Variants in TEX14 observed in about 807,000 individuals in gnomAD.
The protein encoded by TEX14 is testis expressed 14, intercellular bridge forming factor.
Under a neutral mutation model 178.6 loss-of-function variants are expected in TEX14, and 168 were observed. The observed-to-expected ratio is 0.94, with a 90% CI of 0.83 to 1.07. TEX14 has a LOEUF of 1.07. TEX14 is among the 50% of genes least tolerant of loss of function. The pLI is 0.00. For missense variants in TEX14, 1,730 were observed against 1,753.6 expected (o/e 0.99, Z 0.24); for synonymous variants, 626 against 634.1 (o/e 0.99, Z 0.19).
Position 58,561,547 on chromosome 17 carries a change from A to T in TEX14, c.4130T>A (p.Leu1377Gln). ...WLQPPEESVE[L>Q]QDLPKGSERE... ...TTCAGAGCCCTTGGGAAGGTCTTGTAGCTCCACGCTCTCCTCAGGTGGCTG... is the reference window on the plus strand; with the variant it reads ...TTCAGAGCCCTTGGGAAGGTCTTGTTGCTCCACGCTCTCCTCAGGTGGCTG... Residue 1377 changes from leucine to glutamine, a missense_variant, in exon 29 of 32, where the codon CTA (leucine) becomes CAA (glutamine). Leu to Gln is a moderately radical substitution (Grantham distance 113). This residue lies in a region of TEX14 where 941 missense variants were observed against 1,072.4 expected (regional missense o/e 0.88). Transcript: ENST00000349033. The T allele has an allele frequency of 6.2e-7, 1 of 1,613,820 alleles. No individual in the cohort carries two copies. Among genetic ancestry groups the T allele is most frequent in the East Asian group, 2.2e-5 (1 of 44,880 alleles).
chr17:58,613,533 T>A lies in TEX14; in HGVS notation c.893A>T (p.His298Leu), dbSNP rs149989023. Residue 298 changes from histidine to leucine, a missense_variant, in exon 9 of 32, where the codon CAC becomes CTC. Transcript: ENST00000349033. ...AGCCATCAACTGTAGCAAGTAGGGG[T>A]GCCGCAGCTTGCTGCAAAAGAAAAG... ...AEQEHSSKLR[H>L]PYLLQLMAVC... 1.2e-6 allele frequency: 2 copies of A among 1,613,540 alleles called. No individual in the cohort carries two copies. Among genetic ancestry groups the A allele is most frequent in the Non-Finnish European group, 8.5e-7 (1 of 1,179,894 alleles).
At chr17:58,674,921 G>C (rs2047369790) in intron 1 of TEX14, among the ~76,000 whole-genome samples, 2 of 150,668 alleles carry the variant, frequency 1.3e-5, no homozygotes, top group Non-Finnish European at 3.0e-5. Context: ...GAGGGGGGGT[G>C]CATCACTTGA....
At position 58,628,450 on chromosome 17, in the gene TEX14, T is replaced by C. The variant is rs952229179; in HGVS notation, c.251+1990A>G. On this transcript the variant is annotated intron_variant, in intron 3 of 31. Transcript: ENST00000349033. The stretch of plus-strand genomic sequence containing the variant: ...AAATTAGGCCGGGCGCAGTGGCTCA[T>C]GCCTGTAATCCCAGCACTTTGGGAG... 8.6e-5 allele frequency among the ~76,000 whole-genome samples: 13 copies of C among 151,412 alleles called. No homozygotes were observed. In the East Asian group the frequency reaches 9.7e-4, roughly 11 times the overall value.
intron 13 of TEX14, among the ~76,000 whole-genome samples, chr17:58,599,877 G>C (rs905740528): frequency 5.3e-5 from 8 of 152,192 alleles, no homozygotes; most frequent in African/African-American, 1.9e-4. Context: ...ATTTTGACAT[G>C]GAATGAGGCA....
chr17:58,609,990 C>T (rs2045707053), intron 10 of TEX14, among the ~76,000 whole-genome samples: 1 of 152,206 alleles, frequency 6.6e-6, no homozygotes, highest in Admixed American at 6.5e-5. Context: ...GGGGTCTGCC[C>T]AGTGGCTGAG....
chr17:58,614,505 A>G (rs1156420688), intron 8 of TEX14, among the ~76,000 whole-genome samples: 1 of 152,144 alleles, frequency 6.6e-6, no homozygotes, highest in East Asian at 1.9e-4. Context: ...CCCCGCAAAA[A>G]AAATAGGAAG....
chr17:58,637,251 A>C (rs1457503821), intron 2 of TEX14, among the ~76,000 whole-genome samples: 1 of 152,168 alleles, frequency 6.6e-6, no homozygotes, highest in Non-Finnish European at 1.5e-5. Context: ...CAACAAAAAA[A>C]CAAGAAATAT....
Position 58,640,648 on chromosome 17 carries a change from A to T in TEX14, c.137-10094T>A, listed in dbSNP as rs943881912. ...GTGTGTGTGTGTGTGTGTGTGTGAG[A>T]GAGAGAGAGAGAATGATAAATAATG... On this transcript the variant is annotated intron_variant, in intron 2 of 31. Coordinates refer to ENST00000349033, the MANE Select transcript of TEX14 (RefSeq NM_031272.5). Among the ~76,000 whole-genome samples the T allele has an allele frequency of 1.4e-4, 18 of 124,360 alleles. 1 individual carries two copies. The highest frequency in any genetic ancestry group is 1.1e-3 in the Admixed American group (14 of 12,566). 81.6% of individuals were successfully genotyped at this position (124,360 alleles called of 152,430 possible).
chr17:58,560,881 C>T (rs1598338117), intron 29 of TEX14, among the ~76,000 whole-genome samples: 3 of 152,198 alleles, frequency 2.0e-5, no homozygotes, highest in Non-Finnish European at 2.9e-5. Flanking sequence ...CTGCATTGAC[C>T]TTTTCAGCAC....
chr17:58,644,696 G>C (rs894722061), intron 2 of TEX14, among the ~76,000 whole-genome samples: 1 of 128,822 alleles, frequency 7.8e-6, no homozygotes, highest in Non-Finnish European at 1.6e-5. Flanking sequence ...GCCCAGGCTA[G>C]AGTGGCAAGA....
chr17:58,603,887 C>CTCTGTGTGTG (rs1491278767), intron 11 of TEX14, among the ~76,000 whole-genome samples: 4 of 105,292 alleles, frequency 3.8e-5, no homozygotes, highest in Non-Finnish European at 7.0e-5. Context: ...TGTGATTTTA[C>CTCTGTGTGTG]TGTGTGTGTG....
chr17:58,624,410 G>A (rs148373789), intron 3 of TEX14, among the ~76,000 whole-genome samples: 1,644 of 141,098 alleles, frequency 0.012, 38 homozygotes, highest in African/African-American at 0.041. Context: ...GTGTGATCTC[G>A]GCTCACTGCA....
intron 1 of TEX14, chr17:58,660,522 G>T (rs1236774937): frequency 8.2e-6 from 6 of 729,010 alleles, no homozygotes; most frequent in Non-Finnish European, 1.5e-5. Flanking sequence ...AGGCTGCATG[G>T]TTTTCCTTGG....
intron 28 of TEX14, among the ~76,000 whole-genome samples, chr17:58,564,575 T>C (rs1452975830): frequency 2.6e-5 from 4 of 152,170 alleles, no homozygotes; most frequent in African/African-American, 7.2e-5. Context: ...ATGAAAAGGT[T>C]TGGGACATTA....
At chr17:58,561,657 C>T (rs1266143946) in intron 28 of TEX14, 45 bp from the exon 29 acceptor site, 2 of 1,334,816 alleles carry the variant, frequency 1.5e-6, no homozygotes, top group East Asian at 2.3e-5. Flanking sequence ...AGTCATTTCC[C>T]ATCCCCCTTG....
intron 1 of TEX14, among the ~76,000 whole-genome samples, chr17:58,658,482 T>C (rs888546568): frequency 7.1e-6 from 1 of 141,204 alleles, no homozygotes; most frequent in Non-Finnish European, 1.5e-5. Flanking sequence ...CTCTGCCTCC[T>C]GGGTTCAAGC....
At chr17:58,690,146 GGTTTTTTT>G (rs1354962703) in intron 1 of TEX14, among the ~76,000 whole-genome samples, 9 of 149,720 alleles carry the variant, frequency 6.0e-5, no homozygotes. Flanking sequence ...GTTGAGTGGG[GGTTTTTTT>G]GTTTTTTTTA....
In TEX14 at chr17:58,608,267, A is replaced by C. The variant is rs563674585; in HGVS notation, c.1184+2894T>G. The stretch of plus-strand genomic sequence containing the variant: ...CCCATCTCTACTAAAAATACAAAAA[A>C]TTAGCCGGGTATGGTGGCGGGTGCC... On this transcript the variant is annotated intron_variant, in intron 10 of 31. Transcript: ENST00000349033. Among the ~76,000 whole-genome samples, 3 of 152,204 alleles carry C rather than the reference A, an allele frequency of 2.0e-5. No individual in the cohort carries two copies. The East Asian group carries it at 5.8e-4, about 29-fold the overall frequency.
At chr17:58,676,238 T>C (rs2047392759) in intron 1 of TEX14, among the ~76,000 whole-genome samples, 1 of 152,048 alleles carries the variant, frequency 6.6e-6, no homozygotes, top group African/African-American at 2.4e-5. Flanking sequence ...TAGCCAGGCG[T>C]GGTGGCAGGT....
Sources: gnomAD v4.1 joint callset for allele counts (sites outside exome capture counted in the v4.1 genomes callset) on GRCh38, gnomAD v4.1.1 for gene constraint, gnomAD v4.1.1 regional missense constraint, MANE v1.5 for transcripts, NCBI Gene and HGNC (gene_info 2026-07-23, HGNC 2026-07-21) for gene names.